EYS: variants seen among roughly 807,000 people sequenced by gnomAD.
The protein encoded by EYS is EGF-like photoreceptor maintenance factor.
In EYS, 250 loss-of-function variants were observed where a neutral mutation model predicts 282.1. The observed-to-expected ratio is 0.89, with a 90% CI of 0.80 to 0.98. EYS has a LOEUF of 0.98. Ranked by LOEUF, EYS falls within the 50% of genes least tolerant of loss-of-function variation. EYS has a pLI of 0.00. For synonymous variants in EYS, 1,355 were observed against 1,282.9 expected (o/e 1.06, Z -1.20); for missense variants, 4,016 against 3,709.0 (o/e 1.08, Z -2.15).
At chr6:63,894,809 G>C (rs528190980) in intron 35 of EYS, among the ~76,000 whole-genome samples, 5 of 151,818 alleles carry the variant, frequency 3.3e-5, no homozygotes, top group Non-Finnish European at 7.4e-5. Flanking sequence ...GGATGGTCTC[G>C]ATCTCCTGAC....
rs1433822299 is a variant in EYS at position 65,199,268 on chromosome 6, G to C, written c.2023+96595C>G. ...GACTTGGATGATGCTTGTTTTACTT[G>C]AGTGGGCTTCCACTGCAAAGTCAAA... On this transcript the variant is annotated intron_variant, in intron 12 of 42. Transcript: ENST00000503581. Among the ~76,000 whole-genome samples, 4 of 152,030 alleles carry C rather than the reference G, an allele frequency of 2.6e-5. No homozygotes were observed. In the East Asian group the frequency reaches 5.8e-4, roughly 22 times the overall value.
At chr6:64,955,231 T>C (rs1000773694) in intron 14 of EYS, among the ~76,000 whole-genome samples, 5 of 150,402 alleles carry the variant, frequency 3.3e-5, no homozygotes, top group Admixed American at 1.3e-4. Context: ...CCATTTACAA[T>C]AGCCAAAAAT....
At chr6:65,044,938 C>T (rs1351609442) in intron 13 of EYS, among the ~76,000 whole-genome samples, 2 of 151,724 alleles carry the variant, frequency 1.3e-5, no homozygotes, top group Non-Finnish European at 2.9e-5. Flanking sequence ...TTTTCACTGC[C>T]CATACATATC....
At chr6:64,179,143 G>A (rs1764717668) in intron 31 of EYS, among the ~76,000 whole-genome samples, 1 of 152,026 alleles carries the variant, frequency 6.6e-6, no homozygotes, top group Non-Finnish European at 1.5e-5. Flanking sequence ...ACTAAAGAAT[G>A]TATGTCCAAA....
At chr6:65,129,432 C>A (rs892153101) in intron 12 of EYS, among the ~76,000 whole-genome samples, 1 of 151,670 alleles carries the variant, frequency 6.6e-6, no homozygotes, top group Admixed American at 6.6e-5. Context: ...TAATGAAGGT[C>A]CAGAATCTAT....
At chr6:65,513,020 CAACA>C (rs1375360633) in intron 2 of EYS, among the ~76,000 whole-genome samples, 1 of 151,864 alleles carries the variant, frequency 6.6e-6, no homozygotes, top group Non-Finnish European at 1.5e-5. Flanking sequence ...TTGAAAGGAT[CAACA>C]AAATTGATAG....
intron 12 of EYS, among the ~76,000 whole-genome samples, chr6:65,121,507 A>T (rs1353885788): frequency 6.8e-6 from 1 of 147,326 alleles, no homozygotes; most frequent in African/African-American, 2.5e-5. Flanking sequence ...TGAGTGTCTT[A>T]TTGGAAATTT....
intron 5 of EYS, among the ~76,000 whole-genome samples, chr6:65,442,434 C>T (rs1768369328): frequency 6.6e-6 from 1 of 151,870 alleles, no homozygotes; most frequent in East Asian, 1.9e-4. Flanking sequence ...CTTCATACTG[C>T]TGTAAACTAC....
intron 29 of EYS, among the ~76,000 whole-genome samples, chr6:64,317,617 G>A (rs1243759917): frequency 1.3e-5 from 2 of 152,120 alleles, no homozygotes; most frequent in Non-Finnish European, 2.9e-5. Context: ...GGAAGACAGT[G>A]TGGCAATTCC....
intron 10 of EYS, 83 bp downstream of exon 10, chr6:65,343,955 C>G: frequency 1.7e-6 from 2 of 1,201,976 alleles, no homozygotes; most frequent in Non-Finnish European, 2.5e-6. Flanking sequence ...GAATCTGTAA[C>G]CTAAACATTT....
intron 30 of EYS, among the ~76,000 whole-genome samples, chr6:64,277,855 T>C (rs757990408): frequency 2.0e-5 from 3 of 152,154 alleles, no homozygotes; most frequent in Non-Finnish European, 4.4e-5. Flanking sequence ...TCCATACTTT[T>C]AAGATCACAT....
intron 19 of EYS, among the ~76,000 whole-genome samples, chr6:64,856,316 C>T (rs1270130557): frequency 2.6e-5 from 4 of 151,120 alleles, no homozygotes; most frequent in Non-Finnish European, 5.9e-5. Context: ...ATTTTTTTTT[C>T]CCAGAAAGGG....
intron 26 of EYS, among the ~76,000 whole-genome samples, chr6:64,519,460 C>T (rs1383013108): frequency 3.3e-5 from 5 of 151,732 alleles, no homozygotes; most frequent in African/African-American, 1.2e-4. Context: ...ACATTTTCCT[C>T]GGTAAAGAGA....
chr6:64,450,504 A>G (rs2150476708), intron 26 of EYS, among the ~76,000 whole-genome samples: 1 of 152,270 alleles, frequency 6.6e-6, no homozygotes, highest in African/African-American at 2.4e-5. Context: ...TGCACCAAGT[A>G]GACCTAATAG....
At chr6:64,835,858 G>A (rs1321449229) in intron 19 of EYS, among the ~76,000 whole-genome samples, 2 of 151,564 alleles carry the variant, frequency 1.3e-5, no homozygotes, top group African/African-American at 4.8e-5. Context: ...GTGCAGTAAC[G>A]TGGTAGTATT....
intron 26 of EYS, among the ~76,000 whole-genome samples, chr6:64,449,430 C>A (rs1039729959): frequency 6.6e-6 from 1 of 152,170 alleles, no homozygotes; most frequent in African/African-American, 2.4e-5. Flanking sequence ...GGAAAACACT[C>A]TGCAGGATAT....
At chr6:64,021,171 C>G (rs992534241) in intron 33 of EYS, among the ~76,000 whole-genome samples, 1 of 151,846 alleles carries the variant, frequency 6.6e-6, no homozygotes, top group African/African-American at 2.4e-5. Context: ...AAAAAAAAGC[C>G]TTTTCTTTAT....
intron 31 of EYS, among the ~76,000 whole-genome samples, chr6:64,118,344 A>G (rs1773459854): frequency 6.6e-6 from 1 of 152,148 alleles, no homozygotes; most frequent in Non-Finnish European, 1.5e-5. Context: ...ACAGACACAT[A>G]GGTCAATAGT....
At chr6:65,422,444 C>G (rs1007848311) in intron 5 of EYS, among the ~76,000 whole-genome samples, 2 of 151,770 alleles carry the variant, frequency 1.3e-5, no homozygotes, top group South Asian at 4.1e-4. Flanking sequence ...CACTTTAATA[C>G]TGAAAATTTT....
Sources: allele counts gnomAD v4.1 joint callset (sites outside exome capture counted in the v4.1 genomes callset), GRCh38; gene constraint gnomAD v4.1.1; transcripts MANE v1.5; gene names NCBI Gene and HGNC (gene_info 2026-07-23, HGNC 2026-07-21).